Variants in SRGAP3 observed in about 807,000 individuals in gnomAD.
The protein encoded by SRGAP3 is SLIT-ROBO Rho GTPase activating protein 3, also known as SLIT-ROBO Rho GTPase-activating protein 3.
A neutral mutation model predicts 121.1 loss-of-function variants in SRGAP3; 39 were observed. The ratio of observed to expected loss-of-function variants is 0.32; its 90% CI spans 0.25 to 0.42. SRGAP3 has a LOEUF of 0.42. SRGAP3 is among the 10% of genes least tolerant of loss of function. The probability of loss-of-function intolerance (pLI) is 1.00; values close to 1 mark genes in which losing one functional copy is unlikely to be tolerated. For missense variants in SRGAP3, 1,213 were observed against 1,470.6 expected (o/e 0.82, Z 2.86); for synonymous variants, 601 against 570.0 (o/e 1.05, Z -0.77).
chr3:8,984,423 T>A lies in SRGAP3; in HGVS notation c.*1096A>T. ...AGTTCCAAATCTGACACAGTATAAT[T>A]AGTAGAACCAGGAAAAGAAAAAATT... On this transcript the variant is annotated 3_prime_UTR_variant, in exon 22 of 22. Coordinates refer to ENST00000383836, the MANE Select transcript of SRGAP3 (RefSeq NM_014850.4). The A allele has an allele frequency of 4.3e-6, 1 of 231,514 alleles. No individual in the cohort carries two copies. The highest frequency in any genetic ancestry group is 8.5e-6 in the Non-Finnish European group (1 of 116,990). 14.3% of individuals were successfully genotyped at this position (231,514 alleles called of 1,614,324 possible).
At chr3:9,173,707 C>T (rs866912850) in intron 1 of SRGAP3, among the ~76,000 whole-genome samples, 1 of 152,032 alleles carries the variant, frequency 6.6e-6, no homozygotes, top group Non-Finnish European at 1.5e-5. Context: ...CACCTCTCCT[C>T]CCCATTCTTC....
At chr3:8,995,768 A>G (rs1942363434) in intron 18 of SRGAP3, among the ~76,000 whole-genome samples, 1 of 152,220 alleles carries the variant, frequency 6.6e-6, no homozygotes, top group Non-Finnish European at 1.5e-5. Flanking sequence ...AGAAGTGTCC[A>G]TATGTGGTAG....
chr3:9,203,312 C>A (rs1002078196), intron 1 of SRGAP3, among the ~76,000 whole-genome samples: 1 of 152,200 alleles, frequency 6.6e-6, no homozygotes, highest in African/African-American at 2.4e-5. Flanking sequence ...GCTAACTCTG[C>A]CACTTAGGTG....
At chr3:9,293,830 A>C (rs1373163992) in intron 3 of SRGAP3, among the ~76,000 whole-genome samples, 1 of 152,166 alleles carries the variant, frequency 6.6e-6, no homozygotes, top group Non-Finnish European at 1.5e-5. Context: ...AAAAATTCAA[A>C]AAATAACAGA....
intron 10 of SRGAP3, among the ~76,000 whole-genome samples, chr3:9,044,778 A>G (rs775551371): frequency 1.2e-4 from 18 of 152,206 alleles, no homozygotes; most frequent in Non-Finnish European, 2.6e-4. Context: ...TGACACTAAG[A>G]AGGATGAATT....
In SRGAP3 at chr3:9,347,026, T is replaced by C. The variant is rs997522245; in HGVS notation, n.214+15814A>G. Among the ~76,000 whole-genome samples, 13 of 152,026 alleles carry C rather than the reference T, an allele frequency of 8.6e-5. 1 individual carries two copies. Among genetic ancestry groups the C allele is most frequent in the Admixed American group, 8.5e-4 (13 of 15,264 alleles). On this transcript the variant is annotated intron_variant and non_coding_transcript_variant, in intron 1 of 3. Transcript: ENST00000490889. ...CCAGGCTAGTCTCGAACTCCTTACC[T>C]CAGGTGATCCGCCCACCTCGCCCTC...
Position 9,355,390 on chromosome 3 carries a change from A to G in SRGAP3, n.214+7450T>C, listed in dbSNP as rs118174328. Reference sequence around the variant, plus strand: ...GTTTGTTCGTTTGTTTTGGTCAGGCACGGTGATAATTTGTGAGACACTGAC... The same window carrying G: ...GTTTGTTCGTTTGTTTTGGTCAGGCGCGGTGATAATTTGTGAGACACTGAC... On this transcript the variant is annotated intron_variant and non_coding_transcript_variant, in intron 1 of 3. Coordinates refer to the SRGAP3 transcript ENST00000490889. Among the ~76,000 whole-genome samples the G allele has an allele frequency of 1.7e-3, 263 of 152,328 alleles. 7 individuals are homozygous for G. In the East Asian group the frequency reaches 0.036, roughly 21 times the overall value.
rs557040107 is a variant in SRGAP3, at chr3:9,137,780, C to CTATTATCTG, written c.68-12864_68-12863insCAGATAATA. 6.0e-4 allele frequency among the ~76,000 whole-genome samples: 92 copies of CTATTATCTG among 152,320 alleles called. No individual in the cohort carries two copies. In the South Asian group the frequency reaches 0.019, roughly 31 times the overall value. On this transcript the variant is annotated intron_variant, in intron 1 of 21. Coordinates refer to ENST00000383836, the MANE Select transcript of SRGAP3 (RefSeq NM_014850.4). The stretch of plus-strand genomic sequence containing the variant: ...AGAGGGTTTTCCCATAGCATCTGTG[C>CTATTATCTG]TGTGTCCAAATAATAGCCATTCCTT...
At chr3:9,107,044 T>C (rs1314791707) in intron 2 of SRGAP3, among the ~76,000 whole-genome samples, 3 of 152,198 alleles carry the variant, frequency 2.0e-5, no homozygotes, top group Admixed American at 2.0e-4. Flanking sequence ...GCAGCAGAAA[T>C]TTGTGAGAAG....
intron 1 of SRGAP3, among the ~76,000 whole-genome samples, chr3:9,196,573 C>T (rs2125149669): frequency 6.6e-6 from 1 of 152,158 alleles, no homozygotes; most frequent in Middle Eastern, 3.4e-3. Flanking sequence ...AAAATGTGCC[C>T]TCTGAACCAG....
intron 3 of SRGAP3, among the ~76,000 whole-genome samples, chr3:9,288,160 G>T (rs1259393666): frequency 2.4e-5 from 3 of 122,898 alleles, no homozygotes; most frequent in African/African-American, 8.8e-5. Context: ...TTTGGAGACA[G>T]AGTTTCACTT....
chr3:9,322,659 G>A (rs143243012), intron 3 of SRGAP3, among the ~76,000 whole-genome samples: 2,662 of 151,956 alleles, frequency 0.018, 62 homozygotes, highest in Non-Finnish European at 0.029. Flanking sequence ...AATGCCTGAT[G>A]ATCTGGGGTG....
chr3:9,122,044 G>T (rs1949025909), intron 2 of SRGAP3, among the ~76,000 whole-genome samples: 1 of 152,196 alleles, frequency 6.6e-6, no homozygotes, highest in Non-Finnish European at 1.5e-5. Flanking sequence ...CCAATTGCGG[G>T]TTCACAGACA....
At chr3:9,162,901 T>C (rs985228250) in intron 1 of SRGAP3, among the ~76,000 whole-genome samples, 4 of 152,206 alleles carry the variant, frequency 2.6e-5, no homozygotes, top group African/African-American at 9.7e-5. Flanking sequence ...TGTCTGGCAG[T>C]GGATGAAGGT....
chr3:9,183,817 G>C (rs1951506596), intron 1 of SRGAP3, among the ~76,000 whole-genome samples: 1 of 150,852 alleles, frequency 6.6e-6, no homozygotes, highest in Non-Finnish European at 1.5e-5. Context: ...TTCACCTAAA[G>C]ACCTTCTCAG....
chr3:9,244,608 A>G (rs1190552114), intron 1 of SRGAP3, among the ~76,000 whole-genome samples: 1 of 152,220 alleles, frequency 6.6e-6, no homozygotes, highest in Non-Finnish European at 1.5e-5. Flanking sequence ...ATCACCAAAT[A>G]TCATCAGTGA....
At chr3:9,254,251 A>C (rs982216252), upstream of SRGAP3, among the ~76,000 whole-genome samples, 3 of 152,256 alleles carry the variant, frequency 2.0e-5, no homozygotes, top group Non-Finnish European at 4.4e-5. Context: ...ATATGATGGA[A>C]TATTACTCAG....
At chr3:9,278,788 C>T (rs1954628511) in intron 3 of SRGAP3, among the ~76,000 whole-genome samples, 2 of 152,046 alleles carry the variant, frequency 1.3e-5, no homozygotes, top group Admixed American at 6.6e-5. Flanking sequence ...GACAGAAAGC[C>T]CAACCTGAAT....
At chr3:9,315,046 CA>C (rs1955320580) in intron 3 of SRGAP3, among the ~76,000 whole-genome samples, 1 of 152,172 alleles carries the variant, frequency 6.6e-6, no homozygotes, top group African/African-American at 2.4e-5. Context: ...TTTATTGGCT[CA>C]AAAAACTATA....
Sources: gnomAD v4.1 joint callset for allele counts (sites outside exome capture counted in the v4.1 genomes callset) on GRCh38, gnomAD v4.1.1 for gene constraint, MANE v1.5 for transcripts, NCBI Gene and HGNC (gene_info 2026-07-23, HGNC 2026-07-21) for gene names.